Variants in RXRA observed in about 807,000 individuals in gnomAD.
RXRA encodes retinoic acid receptor RXR-alpha.
Under a neutral mutation model 44.5 loss-of-function variants are expected in RXRA, and 5 were observed. The observed-to-expected ratio is 0.11, with a 90% CI of 0.06 to 0.24. RXRA has a LOEUF of 0.24. RXRA is among the 10% of genes least tolerant of loss of function. RXRA has a pLI of 1.00. For missense variants in RXRA, 412 were observed against 646.5 expected, an observed-to-expected ratio of 0.64 and a Z score of 3.93; for synonymous variants, 291 against 271.4, an observed-to-expected ratio of 1.07 and a Z score of -0.71.
intron 1 of RXRA, among the ~76,000 whole-genome samples, chr9:134,327,405 A>G (rs1364531221): frequency 6.6e-6 from 1 of 151,724 alleles, no homozygotes; most frequent in Non-Finnish European, 1.5e-5. Flanking sequence ...CTGCCCGCCA[A>G]CTCCAGGCCC....
chr9:134,386,542 C>G (rs1409232357), intron 1 of RXRA, among the ~76,000 whole-genome samples: 1 of 152,188 alleles, frequency 6.6e-6, no homozygotes, highest in African/African-American at 2.4e-5. Context: ...GTATGGGGGC[C>G]AGGTCTGGGA....
intron 1 of RXRA, among the ~76,000 whole-genome samples, chr9:134,384,911 G>C (rs955154169): frequency 1.3e-5 from 2 of 152,176 alleles, no homozygotes; most frequent in Non-Finnish European, 2.9e-5. Flanking sequence ...GTGAGCATGT[G>C]GGGGTGCCAT....
chr9:134,413,400 G>A lies in RXRA; in HGVS notation c.611-3758G>A, dbSNP rs901049375. On this transcript the variant is annotated intron_variant, in intron 4 of 9. Transcript: ENST00000481739. ...GCATGGTTTGTGTGCACGTGTGTGTGCATGGTTCTCGTGTTCTGATGCCTT... is the reference window on the plus strand; with the variant it reads ...GCATGGTTTGTGTGCACGTGTGTGTACATGGTTCTCGTGTTCTGATGCCTT... Among the ~76,000 whole-genome samples the A allele has an allele frequency of 2.6e-5, 4 of 151,664 alleles. No homozygotes were observed. In the South Asian group the frequency reaches 8.3e-4, roughly 31 times the overall value.
At chr9:134,423,277 C>T (rs1831378579) in intron 6 of RXRA, 1 of 985,320 alleles carries the variant, frequency 1.0e-6, no homozygotes, top group African/African-American at 1.7e-5. Flanking sequence ...TGGTCACTGT[C>T]CCATGTCCCC....
chr9:134,371,002 G>A (rs990049298), intron 1 of RXRA, among the ~76,000 whole-genome samples: 2 of 151,834 alleles, frequency 1.3e-5, no homozygotes, highest in Admixed American at 6.5e-5. Flanking sequence ...GGAAGAGGCC[G>A]CATCAGCCTC....
At chr9:134,371,091 AAG>A (rs1411233892) in intron 1 of RXRA, among the ~76,000 whole-genome samples, 2 of 152,122 alleles carry the variant, frequency 1.3e-5, no homozygotes, top group East Asian at 3.8e-4. Context: ...GGACACGCTC[AAG>A]AGAGTGCCCT....
chr9:134,373,250 G>A (rs567765078), intron 1 of RXRA, among the ~76,000 whole-genome samples: 5 of 152,172 alleles, frequency 3.3e-5, no homozygotes, highest in Non-Finnish European at 5.9e-5. Flanking sequence ...CTTTGGTGCT[G>A]TTCTTGGGCT....
intron 1 of RXRA, among the ~76,000 whole-genome samples, chr9:134,362,327 A>G (rs958290262): frequency 6.6e-6 from 1 of 152,030 alleles, no homozygotes; most frequent in African/African-American, 2.4e-5. Context: ...ACTCTTGCTC[A>G]TCCCCCAAGT....
chr9:134,387,068 G>T (rs1425646603), intron 1 of RXRA, among the ~76,000 whole-genome samples: 1 of 152,216 alleles, frequency 6.6e-6, no homozygotes, highest in Non-Finnish European at 1.5e-5. Context: ...CTGGGCCGCT[G>T]CTGTGGCTGC....
intron 1 of RXRA, among the ~76,000 whole-genome samples, chr9:134,381,950 G>A (rs549703681): frequency 6.6e-6 from 1 of 152,270 alleles, no homozygotes; most frequent in East Asian, 1.9e-4. Context: ...CTGTGGGCAG[G>A]TGAAGCCACC....
At chr9:134,360,290 G>A (rs1169790289) in intron 1 of RXRA, among the ~76,000 whole-genome samples, 2 of 152,202 alleles carry the variant, frequency 1.3e-5, no homozygotes, top group Non-Finnish European at 2.9e-5. Context: ...CTGCGGACTG[G>A]CCTGTCGGGC....
chr9:134,347,775 C>A (rs1331109777), intron 1 of RXRA, among the ~76,000 whole-genome samples: 1 of 152,072 alleles, frequency 6.6e-6, no homozygotes, highest in African/African-American at 2.4e-5. Flanking sequence ...GGGGCTGGGG[C>A]GGTCAGTTCA....
chr9:134,380,566 C>T (rs1384587148), intron 1 of RXRA, among the ~76,000 whole-genome samples: 1 of 152,048 alleles, frequency 6.6e-6, no homozygotes, highest in Non-Finnish European at 1.5e-5. Context: ...TTGGGGTGTC[C>T]AGGGACTGGA....
In RXRA at chr9:134,342,884, T is replaced by C. The variant is rs1441770028; in HGVS notation, c.28+16225T>C. The stretch of plus-strand genomic sequence containing the variant: ...CCACCACAGTGACCTTCCCTTTGTA[T>C]GTGAGTGATGTGGGTGGCATGACTG... On this transcript the variant is annotated intron_variant, in intron 1 of 9. Transcript: ENST00000481739. This position sits in a 1 kb window ranked among gnomAD's most constrained non-coding sequence, Gnocchi z 4.4. 6.6e-6 allele frequency among the ~76,000 whole-genome samples: 1 copy of C among 152,062 alleles called. No homozygotes were observed. Among genetic ancestry groups the C allele is most frequent in the African/African-American group, 2.4e-5 (1 of 41,408 alleles).
intron 1 of RXRA, among the ~76,000 whole-genome samples, chr9:134,376,312 G>A (rs1313472726): frequency 2.0e-5 from 3 of 152,200 alleles, no homozygotes; most frequent in African/African-American, 7.2e-5. Flanking sequence ...CAGGGTGCGT[G>A]TTTATGCATG....
chr9:134,390,092 AGCCTGCGCTT>A (rs2119119774), intron 1 of RXRA, among the ~76,000 whole-genome samples: 1 of 152,238 alleles, frequency 6.6e-6, no homozygotes, highest in South Asian at 2.1e-4. Flanking sequence ...AGCAGGCCGG[AGCCTGCGCTT>A]GCCTGCATTC....
At chr9:134,376,309 C>T (rs1830556368) in intron 1 of RXRA, among the ~76,000 whole-genome samples, 1 of 152,164 alleles carries the variant, frequency 6.6e-6, no homozygotes, top group Non-Finnish European at 1.5e-5. Context: ...TGGCAGGGTG[C>T]GTGTTTATGC....
intron 1 of RXRA, among the ~76,000 whole-genome samples, chr9:134,363,730 C>T (rs879839614): frequency 6.6e-6 from 1 of 152,194 alleles, no homozygotes; most frequent in Non-Finnish European, 1.5e-5. Context: ...GTCTCCCAGT[C>T]CTTGGGACAG....
At chr9:134,333,657 TGCA>T (rs2119013445) in intron 1 of RXRA, among the ~76,000 whole-genome samples, 1 of 152,330 alleles carries the variant, frequency 6.6e-6, no homozygotes, top group East Asian at 1.9e-4. Context: ...TTCCTGGTGC[TGCA>T]GCCCAGAATG....
Sources: gnomAD v4.1 joint callset for allele counts (sites outside exome capture counted in the v4.1 genomes callset) on GRCh38, gnomAD v4.1.1 for gene constraint, Gnocchi (gnomAD v3.1) non-coding constraint, MANE v1.5 for transcripts, NCBI Gene and HGNC (gene_info 2026-07-23, HGNC 2026-07-21) for gene names.